The following POU3F3 variants were observed in gnomAD, a reference collection of about 807,000 sequenced individuals.
The protein encoded by POU3F3 is POU class 3 homeobox 3.
Under a neutral mutation model 8.6 loss-of-function variants are expected in POU3F3, and 1 was observed. That is an observed-to-expected ratio of 0.12 (90% CI 0.04 to 0.55). POU3F3 has a LOEUF of 0.55. Ranked by LOEUF, POU3F3 falls within the 20% of genes least tolerant of loss-of-function variation. The pLI is 0.91. For synonymous variants in POU3F3, 418 were observed against 327.4 expected (o/e 1.28, Z -2.99); for missense variants, 577 against 690.7 (o/e 0.84, Z 1.84).
the POU3F3 span, chr2:104,865,662 C>A: frequency 2.0e-5 from 3 of 152,088 alleles, no homozygotes; most frequent in Non-Finnish European, 4.4e-5. Flanking sequence ...CTTGAGCCAG[C>A]AATAAAATAA....
chr2:104,858,787 A>T (rs1349499487), downstream of POU3F3, among the ~76,000 whole-genome samples: 1 of 152,202 alleles, frequency 6.6e-6, no homozygotes, highest in African/African-American at 2.4e-5. Flanking sequence ...ATAAATTCAC[A>T]ATATTTTTCT....
At chr2:104,886,130 C>G in the POU3F3 span, among the ~76,000 whole-genome samples, 1 of 152,104 alleles carries the variant, frequency 6.6e-6, no homozygotes, top group Admixed American at 6.5e-5. Flanking sequence ...CTTGCTTTCA[C>G]TTTACTCTAA....
chr2:104,897,437 T>A, the POU3F3 span, among the ~76,000 whole-genome samples: 1 of 152,104 alleles, frequency 6.6e-6, no homozygotes, highest in African/African-American at 2.4e-5. Flanking sequence ...CCTTTGCTCA[T>A]CCATTTTTAC....
At chr2:104,884,712 G>T in the POU3F3 span, among the ~76,000 whole-genome samples, 5 of 152,208 alleles carry the variant, frequency 3.3e-5, no homozygotes, top group African/African-American at 1.2e-4. Context: ...AGGGCCAACA[G>T]CAGTCAGCCA....
the POU3F3 span, among the ~76,000 whole-genome samples, chr2:104,909,522 C>T: frequency 1.8e-3 from 273 of 152,344 alleles, 1 homozygote; most frequent in South Asian, 3.7e-3. Context: ...GCCCCTGTTC[C>T]GGCCGGACAT....
chr2:104,868,543 T>C, the POU3F3 span, among the ~76,000 whole-genome samples: 6 of 152,228 alleles, frequency 3.9e-5, no homozygotes, highest in South Asian at 4.1e-4. Context: ...CGGCCAAGCC[T>C]CCCAGAGCCC....
the POU3F3 span, among the ~76,000 whole-genome samples, chr2:104,881,309 C>G: frequency 6.6e-6 from 1 of 152,078 alleles, no homozygotes; most frequent in South Asian, 2.1e-4. Context: ...AGGTGTACAC[C>G]ACCACACTCA....
the POU3F3 span, among the ~76,000 whole-genome samples, chr2:104,899,887 G>A: frequency 1.3e-5 from 2 of 152,198 alleles, no homozygotes; most frequent in South Asian, 4.1e-4. Context: ...GACTCGAGGT[G>A]AGGGCACTCC....
the POU3F3 span, among the ~76,000 whole-genome samples, chr2:104,883,340 T>A: frequency 2.6e-5 from 4 of 152,260 alleles, no homozygotes; most frequent in Non-Finnish European, 4.4e-5. Flanking sequence ...CTTAAGACCC[T>A]GGATTCACTT....
At chr2:104,907,136 G>C in the POU3F3 span, among the ~76,000 whole-genome samples, 3 of 152,020 alleles carry the variant, frequency 2.0e-5, no homozygotes, top group Non-Finnish European at 4.4e-5. Context: ...TCTCTAACAT[G>C]CCAAGCTCCT....
At position 104,855,923 on chromosome 2, in the gene POU3F3, AGCCGCCGCCGCCACCGCC is replaced by A; in HGVS notation, c.416_433del (p.Pro139_Pro144del). 1 of 1,057,670 alleles carries A rather than the reference AGCCGCCGCCGCCACCGCC, an allele frequency of 9.5e-7. No homozygotes were observed. The highest frequency in any genetic ancestry group is 2.8e-5 in the South Asian group (1 of 35,126). 65.5% of individuals were successfully genotyped at this position (1,057,670 alleles called of 1,614,324 possible). A position where few individuals can be genotyped will look rare whatever the true frequency, so the allele number is the denominator to read the frequency against. Reference sequence around the variant, plus strand: ...GCTGGCAGCCCCCAGCAGCCACCGCAGCCGCCGCCGCCACCGCCGCAGGGCCCCGACGTGAAGGGCGGC... The same window carrying A: ...GCTGGCAGCCCCCAGCAGCCACCGCAGCAGGGCCCCGACGTGAAGGGCGGC... On this transcript the variant is annotated inframe_deletion, in exon 1 of 1. Transcript: ENST00000361360.
At chr2:104,882,069 C>T in the POU3F3 span, among the ~76,000 whole-genome samples, 2 of 152,144 alleles carry the variant, frequency 1.3e-5, no homozygotes, top group Non-Finnish European at 2.9e-5. Context: ...AAGATTATTA[C>T]AGCAGATAAA....
the POU3F3 span, among the ~76,000 whole-genome samples, chr2:104,892,553 C>T: frequency 6.6e-6 from 1 of 151,962 alleles, no homozygotes; most frequent in African/African-American, 2.4e-5. Flanking sequence ...GCAGCCTCAA[C>T]CTCCCAGACT....
the POU3F3 span, among the ~76,000 whole-genome samples, chr2:104,915,358 A>G: frequency 3.9e-5 from 6 of 152,198 alleles, no homozygotes; most frequent in African/African-American, 1.4e-4. Flanking sequence ...GTTCAGCTGA[A>G]TATGAGTAGT....
At chr2:104,920,049 C>T in the POU3F3 span, among the ~76,000 whole-genome samples, 8 of 152,174 alleles carry the variant, frequency 5.3e-5, no homozygotes, top group East Asian at 1.5e-3. Flanking sequence ...GAGTCTTGCT[C>T]TGTTGCTCAG....
chr2:104,912,678 AGGTCATATGCACAACACGACAGG>A, the POU3F3 span, among the ~76,000 whole-genome samples: 657 of 152,324 alleles, frequency 4.3e-3, 5 homozygotes, highest in Middle Eastern at 0.014. Context: ...AGCACGACCC[AGGTCATATGCACAACACGACAGG>A]TTGAGCGTCC....
the POU3F3 span, among the ~76,000 whole-genome samples, chr2:104,894,028 G>A: frequency 6.6e-6 from 1 of 152,180 alleles, no homozygotes; most frequent in Non-Finnish European, 1.5e-5. Context: ...GAGGATGGAG[G>A]ATGAGCCGAT....
chr2:104,904,319 C>G, the POU3F3 span, among the ~76,000 whole-genome samples: 1 of 152,076 alleles, frequency 6.6e-6, no homozygotes, highest in Non-Finnish European at 1.5e-5. Context: ...TCATCTGAAC[C>G]TATTACAGTA....
At chr2:104,894,923 T>C in the POU3F3 span, among the ~76,000 whole-genome samples, 1 of 152,188 alleles carries the variant, frequency 6.6e-6, no homozygotes, top group Admixed American at 6.5e-5. Flanking sequence ...TGTTCTCTTT[T>C]TTTTCTGTGC....
Sources: gnomAD v4.1 joint callset for allele counts (sites outside exome capture counted in the v4.1 genomes callset) on GRCh38, gnomAD v4.1.1 for gene constraint, MANE v1.5 for transcripts, NCBI Gene and HGNC (gene_info 2026-07-23, HGNC 2026-07-21) for gene names.